The following ANKRD17 variants were observed in gnomAD, a reference collection of about 807,000 sequenced individuals.
ANKRD17 encodes ankyrin repeat domain-containing protein 17.
In ANKRD17, 19 loss-of-function variants were observed where a neutral mutation model predicts 229.7. The ratio of observed to expected loss-of-function variants is 0.08; its 90% CI spans 0.06 to 0.12. The LOEUF is 0.12. Among genes scored for constraint, ANKRD17 ranks in the 10% least tolerant of loss-of-function variants. ANKRD17 has a pLI of 1.00. For missense variants in ANKRD17, 2,176 were observed against 3,176.8 expected, an observed-to-expected ratio of 0.68 and a Z score of 7.57; for synonymous variants, 1,112 against 1,146.1, an observed-to-expected ratio of 0.97 and a Z score of 0.60.
intron 1 of ANKRD17, among the ~76,000 whole-genome samples, chr4:73,197,920 T>C (rs1055881905): frequency 6.6e-6 from 1 of 152,230 alleles, no homozygotes; most frequent in Non-Finnish European, 1.5e-5. Context: ...TTGGCTTGTA[T>C]TCAACTATGT....
intron 1 of ANKRD17, among the ~76,000 whole-genome samples, chr4:73,225,054 T>C (rs1742327799): frequency 6.6e-6 from 1 of 152,244 alleles, no homozygotes; most frequent in African/African-American, 2.4e-5. Context: ...CATTTAGGTA[T>C]GGGTATGCCT....
intron 18 of ANKRD17, 54 bp from the exon 19 acceptor site, chr4:73,121,813 A>G: frequency 6.6e-7 from 1 of 1,512,352 alleles, no homozygotes; most frequent in Non-Finnish European, 8.9e-7. Context: ...AAATTACCAA[A>G]GTGTGTATTT....
chr4:73,076,885 C>T (rs960542973), intron 33 of ANKRD17, 55 bp downstream of exon 33: 2 of 1,537,522 alleles, frequency 1.3e-6, no homozygotes, highest in African/African-American at 2.8e-5. Flanking sequence ...TCCTATTTGT[C>T]TTTGCATTTC....
chr4:73,110,610 A>G (rs1725195310), intron 24 of ANKRD17, among the ~76,000 whole-genome samples: 1 of 152,228 alleles, frequency 6.6e-6, no homozygotes, highest in Admixed American at 6.5e-5. Context: ...CCAGAATGTA[A>G]TATATCTCAA....
At chr4:73,179,518 A>ATATTT (rs1192164276) in intron 1 of ANKRD17, among the ~76,000 whole-genome samples, 13 of 40,786 alleles carry the variant, frequency 3.2e-4, no homozygotes, top group African/African-American at 9.2e-4. Flanking sequence ...ATATATATAT[A>ATATTT]TTTTTTTTTT....
intron 1 of ANKRD17, among the ~76,000 whole-genome samples, chr4:73,254,223 CCCTCATTTTCAA>C (rs1745262744): frequency 2.0e-5 from 3 of 152,090 alleles, no homozygotes; most frequent in East Asian, 1.9e-4. Flanking sequence ...TTTTCTTTCT[CCCTCATTTTCAA>C]CTCTCTTTTT....
At chr4:73,103,293 A>G (rs1724220234) in intron 24 of ANKRD17, among the ~76,000 whole-genome samples, 6 of 147,548 alleles carry the variant, frequency 4.1e-5, no homozygotes, top group Admixed American at 2.7e-4. Context: ...ATAAATACAG[A>G]AAAAAAAACC....
chr4:73,234,686 T>C (rs1268617133), intron 1 of ANKRD17, among the ~76,000 whole-genome samples: 2 of 152,112 alleles, frequency 1.3e-5, no homozygotes, highest in Middle Eastern at 3.2e-3. Flanking sequence ...TCTCCTGGGG[T>C]AGCACAGTGC....
chr4:73,126,593 CAT>C (rs1727502926), intron 16 of ANKRD17, among the ~76,000 whole-genome samples: 1 of 152,112 alleles, frequency 6.6e-6, no homozygotes, highest in Non-Finnish European at 1.5e-5. Context: ...TATAATGAGA[CAT>C]GACACTATCT....
chr4:73,122,277 C>A (rs1726842828), intron 18 of ANKRD17, among the ~76,000 whole-genome samples: 1 of 152,052 alleles, frequency 6.6e-6, no homozygotes, highest in Non-Finnish European at 1.5e-5. Context: ...GGCAGAATTT[C>A]TGGGTGTATG....
intron 24 of ANKRD17, among the ~76,000 whole-genome samples, chr4:73,105,261 G>A (rs574504040): frequency 1.3e-5 from 2 of 152,060 alleles, no homozygotes; most frequent in South Asian, 4.1e-4. Flanking sequence ...TTTGCAGGCG[G>A]TAGCTGAAAC....
chr4:73,129,998 C>A (rs1444995610), intron 16 of ANKRD17, among the ~76,000 whole-genome samples: 2 of 151,896 alleles, frequency 1.3e-5, no homozygotes, highest in Non-Finnish European at 2.9e-5. Context: ...AACTCCTGAC[C>A]TCATGATCCT....
At chr4:73,153,769 CATACTAT>C in intron 6 of ANKRD17, 104 bp downstream of exon 6, 1 of 704,594 alleles carries the variant, frequency 1.4e-6, no homozygotes, top group Admixed American at 3.8e-5. Flanking sequence ...CCTTTAATTA[CATACTAT>C]ATACTATCAT....
intron 1 of ANKRD17, among the ~76,000 whole-genome samples, chr4:73,244,294 T>C (rs1323537297): frequency 6.6e-6 from 1 of 152,058 alleles, no homozygotes; most frequent in Non-Finnish European, 1.5e-5. Context: ...GTTCAGCCCA[T>C]AACAGGCTGA....
chr4:73,093,376 CTTTTTTTTT>C (rs11368928), intron 28 of ANKRD17, among the ~76,000 whole-genome samples: 1 of 112,838 alleles, frequency 8.9e-6, no homozygotes, highest in Non-Finnish European at 1.7e-5. Flanking sequence ...AACTCAAATT[CTTTTTTTTT>C]TTTTTTTTTT....
At chr4:73,253,189 G>C (rs754599304) in intron 1 of ANKRD17, among the ~76,000 whole-genome samples, 13 of 152,150 alleles carry the variant, frequency 8.5e-5, no homozygotes, top group Admixed American at 7.2e-4. Flanking sequence ...AATGCTCCCT[G>C]CCAACATTTG....
intron 16 of ANKRD17, among the ~76,000 whole-genome samples, chr4:73,134,901 T>C (rs1728699343): frequency 6.6e-6 from 1 of 152,192 alleles, no homozygotes; most frequent in African/African-American, 2.4e-5. Context: ...AAAGGTTACC[T>C]GATGACCTTG....
At chr4:73,168,146 G>A (rs977846370) in intron 2 of ANKRD17, among the ~76,000 whole-genome samples, 9 of 150,184 alleles carry the variant, frequency 6.0e-5, no homozygotes, top group African/African-American at 9.8e-5. Context: ...GTGAGACTCC[G>A]TCTCAAAAAA....
At chr4:73,180,733 T>A (rs1735436170) in intron 1 of ANKRD17, among the ~76,000 whole-genome samples, 1 of 152,190 alleles carries the variant, frequency 6.6e-6, no homozygotes, top group Admixed American at 6.5e-5. Context: ...CATTTATGAT[T>A]AATGAAGGAG....
Sources: allele counts gnomAD v4.1 joint callset (sites outside exome capture counted in the v4.1 genomes callset), GRCh38; gene constraint gnomAD v4.1.1; transcripts MANE v1.5; gene names NCBI Gene and HGNC (gene_info 2026-07-23, HGNC 2026-07-21).